FBXO21: variants seen among roughly 807,000 people sequenced by gnomAD.
FBXO21 encodes F-box protein 21.
In FBXO21, 32 loss-of-function variants were observed where a neutral mutation model predicts 76.6. The ratio of observed to expected loss-of-function variants is 0.42; its 90% confidence interval spans 0.32 to 0.56. The LOEUF is 0.56. Ranked by LOEUF, FBXO21 falls within the 20% of genes least tolerant of loss-of-function variation. The probability of loss-of-function intolerance (pLI) is 0.16; values close to 1 mark genes in which losing one functional copy is unlikely to be tolerated. For synonymous variants in FBXO21, 328 were observed against 311.5 expected (o/e 1.05, Z -0.56); for missense variants, 586 against 797.3 (o/e 0.73, Z 3.19).
At position 117,174,193 on chromosome 12, in the gene FBXO21, A is replaced by C. The variant is rs777543600; in HGVS notation, c.876+12T>G. 3.1e-6 allele frequency: 5 copies of C among 1,598,446 alleles called. No homozygotes were observed. Reference sequence around the variant, plus strand: ...TATTACTATACCCATATATTACTGTACCTATATTTACCTGATGCATATATA... The same window carrying C: ...TATTACTATACCCATATATTACTGTCCCTATATTTACCTGATGCATATATA... On this transcript the variant is annotated intron_variant, in intron 6 of 11. Transcript: ENST00000622495.
intron 9 of FBXO21, among the ~76,000 whole-genome samples, chr12:117,164,274 CTTTTTTT>C (rs538169408): frequency 8.7e-5 from 11 of 126,842 alleles, no homozygotes; most frequent in Non-Finnish European, 1.5e-4. Flanking sequence ...CTTTTCTTTT[CTTTTTTT>C]TTTTTTTTTT....
chr12:117,180,895 A>G (rs10850793), intron 3 of FBXO21, among the ~76,000 whole-genome samples: 30,300 of 152,072 alleles, frequency 0.2, 3,424 homozygotes, highest in East Asian at 0.43. Context: ...AGCCTCCCAA[A>G]GTGCTGGGAT....
chr12:117,150,692 G>A (rs1376576430), intron 11 of FBXO21, among the ~76,000 whole-genome samples: 8 of 152,224 alleles, frequency 5.3e-5, no homozygotes, highest in Non-Finnish European at 1.2e-4. Context: ...CACGTGTGGA[G>A]GGATCGAGGT....
intron 3 of FBXO21, among the ~76,000 whole-genome samples, chr12:117,178,581 C>T (rs1434411292): frequency 6.6e-6 from 1 of 152,046 alleles, no homozygotes; most frequent in East Asian, 1.9e-4. Flanking sequence ...CCTCTCTGAC[C>T]CCAATTCCTG....
rs781041422 is a variant in FBXO21 at position 117,174,682 on chromosome 12, G to C, written c.708C>G (p.Asn236Lys). 2 of 1,614,070 alleles carry C rather than the reference G, an allele frequency of 1.2e-6. No homozygotes were observed. The highest frequency in any genetic ancestry group is 1.3e-5 in the African/African-American group (1 of 74,914). The stretch of plus-strand genomic sequence containing the variant: ...TGAAGGCCAAGCTGGGGTGGCGACT[G>C]TTTATGCCCCGAAGGGTTTTGCAAA... ...ELVCKTLRGI[N>K]SRHPSLAFKA... Residue 236 changes from asparagine to lysine, a missense_variant, in exon 5 of 12, where the codon AAC becomes AAG. Around this residue, in one of 6 missense-constraint regions of FBXO21, gnomAD observed 246 missense variants for 356.8 expected, o/e 0.69. Transcript: ENST00000622495.
Position 117,190,327 on chromosome 12 carries a change from A to T in FBXO21, c.130T>A (p.Cys44Ser), listed in dbSNP as rs202030861. 250 of 1,540,662 alleles carry T rather than the reference A, an allele frequency of 1.6e-4. 2 individuals are homozygous for T. The African/African-American group carries it at 3.2e-3, about 20-fold the overall frequency. ...ATGTCGGCGGCCGTCAGCGAGCCGC[A>T]GCACAGGATGTACTCCAGCACCTCA... ...PGEVLEYILCCGSLTAADIGR... is the reference protein window; with the variant it reads ...PGEVLEYILCSGSLTAADIGR... Residue 44 changes from cysteine to serine, a missense_variant, in exon 1 of 12, where the codon TGC (cysteine) becomes AGC (serine). This residue lies in a region of FBXO21 where 152 missense variants were observed against 127.2 expected (regional missense o/e 1.19). Coordinates refer to ENST00000622495, the MANE Select transcript of FBXO21 (RefSeq NM_015002.3).
At chr12:117,181,072 C>CTAAAAATAAATACA (rs1592895001) in intron 3 of FBXO21, among the ~76,000 whole-genome samples, 1 of 152,200 alleles carries the variant, frequency 6.6e-6, no homozygotes, top group African/African-American at 2.4e-5. Context: ...GAATTTAAAT[C>CTAAAAATAAATACA]TAAAAATAAA....
At chr12:117,159,310 G>GAA (rs10655877) in intron 9 of FBXO21, among the ~76,000 whole-genome samples, 53,682 of 142,832 alleles carry the variant, frequency 0.38, 10,940 homozygotes, top group Admixed American at 0.53. Context: ...GGATTAGGTG[G>GAA]AAAAAAAAAA....
At chr12:117,156,161 T>G (rs1955913405) in intron 10 of FBXO21, among the ~76,000 whole-genome samples, 1 of 152,174 alleles carries the variant, frequency 6.6e-6, no homozygotes, top group African/African-American at 2.4e-5. Flanking sequence ...AAAAAGTGAT[T>G]AGATGACAAC....
chr12:117,153,501 C>A (rs12304807), intron 11 of FBXO21, among the ~76,000 whole-genome samples: 1 of 152,164 alleles, frequency 6.6e-6, no homozygotes, highest in Non-Finnish European at 1.5e-5. Context: ...GAGGTGGGCA[C>A]GGAGCCCAGA....
At chr12:117,157,004 G>A (rs1425243140) in intron 10 of FBXO21, among the ~76,000 whole-genome samples, 1 of 152,012 alleles carries the variant, frequency 6.6e-6, no homozygotes, top group Non-Finnish European at 1.5e-5. Flanking sequence ...CCAACATGGT[G>A]AAACCCTGTC....
intron 2 of FBXO21, chr12:117,188,906 G>A (rs751114297): frequency 5.1e-5 from 13 of 256,294 alleles, no homozygotes; most frequent in South Asian, 3.1e-4. Flanking sequence ...CGGAGGGGTT[G>A]CAAAAAAAAT....
intron 6 of FBXO21, among the ~76,000 whole-genome samples, 153 bp downstream of exon 6, chr12:117,174,052 G>A (rs554453084): frequency 3.9e-5 from 6 of 152,140 alleles, no homozygotes; most frequent in Admixed American, 6.5e-5. Context: ...CGGCAAGATC[G>A]CCTGAGCCCA....
chr12:117,171,636 G>T (rs917937922), intron 7 of FBXO21, among the ~76,000 whole-genome samples: 23 of 152,116 alleles, frequency 1.5e-4, no homozygotes, highest in Admixed American at 1.4e-3. Flanking sequence ...GAAGAAACAG[G>T]CCTCCTCAGA....
chr12:117,156,567 G>A (rs10850776), intron 10 of FBXO21, among the ~76,000 whole-genome samples: 27,782 of 152,106 alleles, frequency 0.18, 3,160 homozygotes, highest in East Asian at 0.41. Context: ...TACTGAAATC[G>A]CTACAGGTGA....
chr12:117,149,120 C>T (rs1367215723), intron 11 of FBXO21, among the ~76,000 whole-genome samples: 2 of 152,192 alleles, frequency 1.3e-5, no homozygotes, highest in Non-Finnish European at 2.9e-5. Flanking sequence ...ATGACCACAA[C>T]CTGGTATCTT....
Position 117,165,476 on chromosome 12 carries a change from A to T in FBXO21, c.1326+9T>A. On this transcript the variant is annotated intron_variant, in intron 9 of 11. Transcript: ENST00000622495. Reference sequence around the variant, plus strand: ...AGGCAAGTGCAAAGCATCAAAGTAAAATAATTACCTTCTCTGGCCAGATTC... The same window carrying T: ...AGGCAAGTGCAAAGCATCAAAGTAATATAATTACCTTCTCTGGCCAGATTC... 1 of 1,612,242 alleles carries T rather than the reference A, an allele frequency of 6.2e-7. No individual in the cohort carries two copies. Among genetic ancestry groups the T allele is most frequent in the Non-Finnish European group, 8.5e-7 (1 of 1,179,276 alleles).
At chr12:117,177,681 T>C (rs199897401) in intron 3 of FBXO21, 40 bp from the exon 4 acceptor site, 13 of 1,592,308 alleles carry the variant, frequency 8.2e-6, no homozygotes, top group African/African-American at 1.3e-5. Context: ...ATTTGAAAAC[T>C]TTCAGTTATC....
intron 4 of FBXO21, among the ~76,000 whole-genome samples, chr12:117,175,642 C>A (rs1235142763): frequency 6.6e-6 from 1 of 152,192 alleles, no homozygotes; most frequent in Non-Finnish European, 1.5e-5. Context: ...CCTCGGCCTC[C>A]GAGGGCCCCA....
Sources: gnomAD v4.1 joint callset for allele counts (sites outside exome capture counted in the v4.1 genomes callset) on GRCh38, gnomAD v4.1.1 for gene constraint, gnomAD v4.1.1 regional missense constraint, MANE v1.5 for transcripts, NCBI Gene and HGNC (gene_info 2026-07-23, HGNC 2026-07-21) for gene names.